NCAM1: variants seen among roughly 807,000 people sequenced by gnomAD.
The protein encoded by NCAM1 is antigen recognized by monoclonal antibody 5.1H11.
A neutral mutation model predicts 109.8 loss-of-function variants in NCAM1; 14 were observed. The ratio of observed to expected loss-of-function variants is 0.13; its 90% CI spans 0.08 to 0.20. The LOEUF (loss-of-function observed/expected upper bound fraction) is 0.20. Ranked by LOEUF, NCAM1 falls within the 10% of genes least tolerant of loss-of-function variation. NCAM1 has a pLI of 1.00. For missense variants in NCAM1, 774 were observed against 1,109.9 expected (o/e 0.70, Z 4.30); for synonymous variants, 418 against 442.9 (o/e 0.94, Z 0.70).
chr11:113,205,779 C>A, intron 4 of NCAM1, 113 bp downstream of exon 4: 1 of 1,408,108 alleles, frequency 7.1e-7, no homozygotes, highest in Non-Finnish European at 9.7e-7. Context: ...GTGCCCGAAC[C>A]CTCATGTGGT....
At chr11:113,001,360 T>A (rs1229614750) in intron 1 of NCAM1, among the ~76,000 whole-genome samples, 3 of 152,084 alleles carry the variant, frequency 2.0e-5, no homozygotes, top group Non-Finnish European at 4.4e-5. Context: ...TCCACTCAAA[T>A]GATGTGGAAT....
intron 1 of NCAM1, among the ~76,000 whole-genome samples, chr11:113,060,598 G>T (rs782704548): frequency 6.6e-6 from 1 of 152,154 alleles, no homozygotes; most frequent in African/African-American, 2.4e-5. Context: ...TTCTAGAAAG[G>T]CTGTGTTATT....
chr11:113,025,824 G>GGA lies in NCAM1; in HGVS notation c.52+64169_52+64170dup, dbSNP rs1199065583. ...GAGAGAGAGAGAGAGAGAGAGAGAG[G>GGA]GAGAGAGAGAACTGTAAACATGTAA... On this transcript the variant is annotated intron_variant, in intron 1 of 19. Transcript: ENST00000316851. Among the ~76,000 whole-genome samples the GGA allele has an allele frequency of 3.4e-5, 3 of 87,194 alleles. No individual in the cohort carries two copies. In the Admixed American group the frequency reaches 3.6e-4, roughly 10 times the overall value. 57.2% of individuals were successfully genotyped at this position (87,194 alleles called of 152,430 possible).
chr11:112,968,333 G>A (rs903006635), intron 1 of NCAM1, among the ~76,000 whole-genome samples: 1 of 152,200 alleles, frequency 6.6e-6, no homozygotes, highest in Non-Finnish European at 1.5e-5. Context: ...ATTCAAATGA[G>A]TGAGATGTAA....
intron 6 of NCAM1, 125 bp downstream of exon 6, chr11:113,207,503 G>T: frequency 1.3e-6 from 1 of 748,500 alleles, no homozygotes. Context: ...CCCAGGAGAA[G>T]AATGGACTCT....
chr11:113,037,695 A>G (rs1219938714), intron 1 of NCAM1, among the ~76,000 whole-genome samples: 2 of 152,216 alleles, frequency 1.3e-5, no homozygotes, highest in African/African-American at 2.4e-5. Context: ...CACTAAATGC[A>G]TAAGTCCGAT....
At chr11:113,236,350 A>G in intron 14 of NCAM1, 2 of 1,606,544 alleles carry the variant, frequency 1.2e-6, no homozygotes, top group Non-Finnish European at 1.7e-6. Context: ...ACCTGTTTCC[A>G]TAGCGTTAAC....
At position 112,961,605 on chromosome 11, in the gene NCAM1, A is replaced by C; in HGVS notation, c.-8A>C. ...GGCAAGAACATCCCTCCCAGCCAGC[A>C]GATTACAATGCTGCAAACTAAGGAT... On this transcript the variant is annotated 5_prime_UTR_variant, in exon 1 of 20. Coordinates refer to ENST00000316851, the MANE Select transcript of NCAM1 (RefSeq NM_181351.5). 1 of 1,471,380 alleles carries C rather than the reference A, an allele frequency of 6.8e-7. No homozygotes were observed. The highest frequency in any genetic ancestry group is 9.5e-7 in the Non-Finnish European group (1 of 1,052,244). 91.1% of individuals were successfully genotyped at this position (1,471,380 alleles called of 1,614,324 possible). A position where few individuals can be genotyped will look rare whatever the true frequency, so the allele number is the denominator to read the frequency against.
intron 1 of NCAM1, among the ~76,000 whole-genome samples, chr11:113,095,816 C>T (rs1245105): frequency 0.035 from 5,295 of 152,270 alleles, 148 homozygotes; most frequent in East Asian, 0.085. Flanking sequence ...CAGCCTGTGC[C>T]TCACCTCCTA....
At chr11:113,144,893 T>C (rs1381519192) in intron 1 of NCAM1, among the ~76,000 whole-genome samples, 2 of 152,332 alleles carry the variant, frequency 1.3e-5, no homozygotes, top group South Asian at 2.1e-4. Context: ...CACTGAGTCC[T>C]TGGCAATTTC....
intron 1 of NCAM1, among the ~76,000 whole-genome samples, chr11:113,074,977 T>A (rs546711578): frequency 6.6e-6 from 1 of 152,160 alleles, no homozygotes; most frequent in Non-Finnish European, 1.5e-5. Flanking sequence ...GAAAACAGCT[T>A]CATGTGGCTC....
chr11:113,259,788 C>G (rs1231423132), intron 16 of NCAM1, among the ~76,000 whole-genome samples: 1 of 150,554 alleles, frequency 6.6e-6, no homozygotes, highest in Admixed American at 6.6e-5. Context: ...ACTGCAACCT[C>G]CACCTCCTGG....
At chr11:113,143,548 T>C (rs1238489473) in intron 1 of NCAM1, among the ~76,000 whole-genome samples, 1 of 152,206 alleles carries the variant, frequency 6.6e-6, no homozygotes, top group Admixed American at 6.5e-5. Flanking sequence ...TGTGAGACCA[T>C]CTCATAAGCA....
intron 1 of NCAM1, among the ~76,000 whole-genome samples, chr11:113,063,776 C>A (rs1010809283): frequency 2.0e-5 from 3 of 152,164 alleles, no homozygotes; most frequent in Admixed American, 6.5e-5. Context: ...TCCATTATAA[C>A]CCTGTTAGAC....
intron 1 of NCAM1, among the ~76,000 whole-genome samples, chr11:113,125,665 G>T (rs1555096942): frequency 6.6e-6 from 1 of 152,212 alleles, no homozygotes; most frequent in South Asian, 2.1e-4. Flanking sequence ...TGGGCAGAGT[G>T]CAGGATGCCA....
At chr11:113,229,854 G>A (rs1487904836) in intron 9 of NCAM1, among the ~76,000 whole-genome samples, 6 of 151,944 alleles carry the variant, frequency 3.9e-5, no homozygotes. Context: ...AACACTGCAT[G>A]TTCTCACTCA....
At chr11:113,175,456 T>A (rs1452410032) in intron 1 of NCAM1, among the ~76,000 whole-genome samples, 1 of 152,224 alleles carries the variant, frequency 6.6e-6, no homozygotes, top group Admixed American at 6.5e-5. Flanking sequence ...CTTATTTGCC[T>A]TTGTAGAAAG....
At chr11:113,151,484 C>T (rs191943235) in intron 1 of NCAM1, among the ~76,000 whole-genome samples, 2 of 152,342 alleles carry the variant, frequency 1.3e-5, no homozygotes, top group East Asian at 3.9e-4. Flanking sequence ...GGTCAGGAGA[C>T]ATTCCCCTAC....
At chr11:113,053,940 T>C (rs967621882) in intron 1 of NCAM1, among the ~76,000 whole-genome samples, 2 of 152,170 alleles carry the variant, frequency 1.3e-5, no homozygotes, top group African/African-American at 4.8e-5. Context: ...GCCTAAGCCA[T>C]AGGTCTAGGC....
Sources: gnomAD v4.1 joint callset for allele counts (sites outside exome capture counted in the v4.1 genomes callset) on GRCh38, gnomAD v4.1.1 for gene constraint, MANE v1.5 for transcripts, NCBI Gene and HGNC (gene_info 2026-07-23, HGNC 2026-07-21) for gene names.